Variants in CDH18 observed in about 807,000 individuals in gnomAD.
CDH18 encodes the protein cadherin 18.
Under a neutral mutation model 67.9 loss-of-function variants are expected in CDH18, and 31 were observed. The ratio of observed to expected loss-of-function variants is 0.46; its 90% confidence interval spans 0.34 to 0.62. The LOEUF is 0.62. CDH18 is among the 20% of genes least tolerant of loss of function. The pLI, the probability that CDH18 is intolerant of heterozygous loss-of-function variation, is 0.01. For missense variants in CDH18, 890 were observed against 975.5 expected, an observed-to-expected ratio of 0.91 and a Z score of 1.17; for synonymous variants, 362 against 347.2, an observed-to-expected ratio of 1.04 and a Z score of -0.48.
chr5:19,920,332 A>G (rs548484910), intron 2 of CDH18, among the ~76,000 whole-genome samples: 15 of 152,260 alleles, frequency 9.9e-5, no homozygotes, highest in African/African-American at 3.6e-4. Flanking sequence ...GAAATAACAT[A>G]GCAACAAGTA....
intron 2 of CDH18, among the ~76,000 whole-genome samples, chr5:19,995,059 A>G (rs1735894644): frequency 6.6e-6 from 1 of 151,086 alleles, no homozygotes; most frequent in South Asian, 2.1e-4. Flanking sequence ...CAGAAAGCAA[A>G]TTTGTCCTTT....
At chr5:20,484,357 A>G (rs184989368) in intron 1 of CDH18, among the ~76,000 whole-genome samples, 192 of 152,228 alleles carry the variant, frequency 1.3e-3, no homozygotes, top group Admixed American at 3.5e-3. Context: ...ACCACTATGG[A>G]GAACATTTTA....
chr5:20,414,383 G>C (rs1474152163), intron 1 of CDH18, among the ~76,000 whole-genome samples: 2 of 152,108 alleles, frequency 1.3e-5, no homozygotes, highest in Non-Finnish European at 2.9e-5. Flanking sequence ...ATCAAATACT[G>C]CCTGCTCTCA....
intron 6 of CDH18, among the ~76,000 whole-genome samples, chr5:19,593,449 G>T (rs1342769538): frequency 6.6e-6 from 1 of 151,904 alleles, no homozygotes; most frequent in African/African-American, 2.4e-5. Flanking sequence ...CGTACCTATT[G>T]TCCATTTGTA....
intron 5 of CDH18, among the ~76,000 whole-genome samples, chr5:19,704,837 T>C (rs543191887): frequency 6.6e-6 from 1 of 152,292 alleles, no homozygotes; most frequent in Admixed American, 6.5e-5. Context: ...TGACAGATCT[T>C]AGAGCCATTA....
At chr5:20,092,827 C>T (rs1320994332) in intron 2 of CDH18, among the ~76,000 whole-genome samples, 1 of 151,696 alleles carries the variant, frequency 6.6e-6, no homozygotes, top group Non-Finnish European at 1.5e-5. Flanking sequence ...ATGTTTATAC[C>T]AATAAAATGG....
intron 2 of CDH18, among the ~76,000 whole-genome samples, chr5:20,124,444 C>A (rs1383773663): frequency 6.6e-6 from 1 of 152,120 alleles, no homozygotes; most frequent in Non-Finnish European, 1.5e-5. Context: ...TGTGCAATCA[C>A]CTTGAGTACC....
At chr5:20,369,825 A>G (rs1742829243) in intron 1 of CDH18, among the ~76,000 whole-genome samples, 1 of 152,224 alleles carries the variant, frequency 6.6e-6, no homozygotes, top group Non-Finnish European at 1.5e-5. Context: ...AGCATTTTAT[A>G]AAAATGAAGT....
chr5:19,639,619 A>C (rs1312612617), intron 5 of CDH18, among the ~76,000 whole-genome samples: 1 of 152,170 alleles, frequency 6.6e-6, no homozygotes, highest in East Asian at 1.9e-4. Context: ...GAGCAACTGC[A>C]CCTAAAATAC....
intron 1 of CDH18, among the ~76,000 whole-genome samples, chr5:20,378,476 C>T (rs1040717018): frequency 6.6e-6 from 1 of 152,110 alleles, no homozygotes; most frequent in Non-Finnish European, 1.5e-5. Context: ...AGGTGGACAT[C>T]GTGCTGTTTA....
At chr5:19,758,841 C>G (rs1771974213) in intron 3 of CDH18, among the ~76,000 whole-genome samples, 1 of 152,218 alleles carries the variant, frequency 6.6e-6, no homozygotes, top group African/African-American at 2.4e-5. Context: ...ACCAATAAGT[C>G]CACTGTGTTT....
At chr5:20,406,864 T>A (rs12697509) in intron 1 of CDH18, among the ~76,000 whole-genome samples, 7 of 151,942 alleles carry the variant, frequency 4.6e-5, no homozygotes, top group Non-Finnish European at 8.8e-5. Flanking sequence ...GGCTTTGGCA[T>A]GCTTCGTTAG....
chr5:20,352,637 A>G (rs915005609), intron 1 of CDH18, among the ~76,000 whole-genome samples: 227 of 150,646 alleles, frequency 1.5e-3, no homozygotes, highest in Non-Finnish European at 2.5e-3. Context: ...AAAAAAAAAA[A>G]AAAAAAAATT....
chr5:19,717,113 G>T (rs1765433838), intron 5 of CDH18, among the ~76,000 whole-genome samples: 1 of 151,954 alleles, frequency 6.6e-6, no homozygotes, highest in African/African-American at 2.4e-5. Context: ...TGTAAGGGAG[G>T]TTTAACTACG....
chr5:20,113,587 A>G (rs1580272309), intron 2 of CDH18, among the ~76,000 whole-genome samples: 1 of 152,338 alleles, frequency 6.6e-6, no homozygotes, highest in South Asian at 2.1e-4. Flanking sequence ...TTCTTTATCA[A>G]AGTATTACAA....
Position 19,520,710 on chromosome 5 carries a change from C to A in CDH18, c.1459G>T (p.Glu487Ter). The A allele has an allele frequency of 6.2e-7, 1 of 1,613,250 alleles. No homozygotes were observed. Among genetic ancestry groups the A allele is most frequent in the Non-Finnish European group, 8.5e-7 (1 of 1,179,450 alleles). ...RVLDVNDNPP[E>*]LAREYDIIVC... Reference sequence around the variant, plus strand: ...ATAATATCATATTCCCTGGCAAGTTCGGGTGGATTGTCATTGACATCCAGA... The same window carrying A: ...ATAATATCATATTCCCTGGCAAGTTAGGGTGGATTGTCATTGACATCCAGA... Residue 487 changes from glutamate to a stop codon, truncating the protein, a stop_gained, in exon 10 of 13, where the codon GAA (glutamate) becomes TAA (stop). Transcript: ENST00000382275. LOFTEE classifies it high-confidence loss of function.
intron 1 of CDH18, among the ~76,000 whole-genome samples, chr5:20,334,330 G>T (rs944700644): frequency 3.3e-5 from 5 of 150,816 alleles, no homozygotes; most frequent in Non-Finnish European, 7.4e-5. Context: ...GTAGAGACGG[G>T]GTTTCACCGT....
At chr5:20,296,149 C>G (rs1158794220) in intron 1 of CDH18, among the ~76,000 whole-genome samples, 1 of 151,656 alleles carries the variant, frequency 6.6e-6, no homozygotes, top group Non-Finnish European at 1.5e-5. Flanking sequence ...GCTGGGATTG[C>G]AGGTGTCAGC....
chr5:20,366,022 G>C (rs116603248), intron 1 of CDH18, among the ~76,000 whole-genome samples: 13 of 152,102 alleles, frequency 8.5e-5, no homozygotes, highest in African/African-American at 3.1e-4. Context: ...TTTATTATAT[G>C]CCCATAAAAT....
Sources: gnomAD v4.1 joint callset for allele counts (sites outside exome capture counted in the v4.1 genomes callset) on GRCh38, gnomAD v4.1.1 for gene constraint, MANE v1.5 for transcripts, NCBI Gene and HGNC (gene_info 2026-07-23, HGNC 2026-07-21) for gene names.